GABRA3: variants seen among roughly 807,000 people sequenced by gnomAD.
GABRA3 encodes the protein gamma-aminobutyric acid receptor subunit alpha-3.
In GABRA3, 10 loss-of-function variants were observed where a neutral mutation model predicts 30.1. The ratio of observed to expected loss-of-function variants is 0.33; its 90% CI spans 0.20 to 0.56. The LOEUF (loss-of-function observed/expected upper bound fraction) is 0.56. Among genes scored for constraint, GABRA3 ranks in the 20% least tolerant of loss-of-function variants. The pLI is 0.89. For synonymous variants in GABRA3, 151 were observed against 146.8 expected, an observed-to-expected ratio of 1.03 and a Z score of -0.21; for missense variants, 233 against 392.0, an observed-to-expected ratio of 0.59 and a Z score of 3.42.
At chrX:152,418,889 C>T (rs1240960329) in intron 1 of GABRA3, among the ~76,000 whole-genome samples, 1 of 111,421 alleles carries the variant, frequency 9.0e-6, no homozygotes, top group East Asian at 2.8e-4. Flanking sequence ...TTAGAACCAA[C>T]CCAAATGTCC....
chrX:152,336,130 A>G (rs772451539), intron 3 of GABRA3, among the ~76,000 whole-genome samples: 14 of 110,796 alleles, frequency 1.3e-4, no homozygotes, highest in Non-Finnish European at 2.6e-4. Flanking sequence ...ATGTTAAAAG[A>G]TTTTTTCTAT....
intron 1 of GABRA3, among the ~76,000 whole-genome samples, chrX:152,412,942 A>T (rs935510730): frequency 1.8e-5 from 2 of 110,862 alleles, no homozygotes; most frequent in Non-Finnish European, 3.8e-5. Flanking sequence ...CAGAAAGAAC[A>T]TTTGAAGAAC....
intron 1 of GABRA3, among the ~76,000 whole-genome samples, chrX:152,413,898 A>C (rs1179458588): frequency 9.1e-6 from 1 of 109,680 alleles, no homozygotes; most frequent in Non-Finnish European, 1.9e-5. Context: ...CCGAGGAATA[A>C]AAAAAAAATC....
intron 1 of GABRA3, among the ~76,000 whole-genome samples, chrX:152,368,744 C>G (rs1173647737): frequency 2.2e-5 from 2 of 90,952 alleles, no homozygotes; most frequent in Non-Finnish European, 2.1e-5. Flanking sequence ...CTCGCTCTGT[C>G]GCCCAGGCTG....
At chrX:152,402,307 T>C (rs1002419168) in intron 1 of GABRA3, among the ~76,000 whole-genome samples, 3 of 111,931 alleles carry the variant, frequency 2.7e-5, no homozygotes, top group African/African-American at 9.7e-5. Context: ...TCACACACTG[T>C]CTACATGTCA....
At chrX:152,375,527 C>G (rs1194740505) in intron 1 of GABRA3, among the ~76,000 whole-genome samples, 1 of 111,852 alleles carries the variant, frequency 8.9e-6, no homozygotes, top group East Asian at 2.8e-4. Context: ...TCATTGTCAC[C>G]CAGGCTCTTG....
chrX:152,391,109 C>G (rs1416658318), intron 1 of GABRA3, among the ~76,000 whole-genome samples: 1 of 111,703 alleles, frequency 9.0e-6, no homozygotes, highest in Non-Finnish European at 1.9e-5. Context: ...CAGGCACACT[C>G]AGATAATCCT....
At chrX:152,250,353 A>G (rs968390461) in intron 5 of GABRA3, among the ~76,000 whole-genome samples, 3 of 111,488 alleles carry the variant, frequency 2.7e-5, no homozygotes, top group African/African-American at 9.8e-5. Context: ...TAAACATAGT[A>G]AGCACTCGTG....
At chrX:152,300,411 GA>G (rs770191868) in intron 3 of GABRA3, among the ~76,000 whole-genome samples, 13 of 106,269 alleles carry the variant, frequency 1.2e-4, no homozygotes, top group Non-Finnish European at 1.4e-4. Flanking sequence ...TAAAACAAAT[GA>G]AAAAAAAAAT....
chrX:152,297,869 C>A (rs1218737690), intron 3 of GABRA3, among the ~76,000 whole-genome samples: 1 of 112,232 alleles, frequency 8.9e-6, no homozygotes, highest in Non-Finnish European at 1.9e-5. Flanking sequence ...ATAGAGTTCA[C>A]TCCCAAGAGC....
At chrX:152,447,542 C>T (rs1313539996) in intron 1 of GABRA3, among the ~76,000 whole-genome samples, 1 of 111,884 alleles carries the variant, frequency 8.9e-6, no homozygotes, top group African/African-American at 3.2e-5. Flanking sequence ...TCTGTTAAGC[C>T]TCCTACTCTA....
At chrX:152,348,366 T>A (rs925937852) in intron 2 of GABRA3, among the ~76,000 whole-genome samples, 27 of 111,811 alleles carry the variant, frequency 2.4e-4, no homozygotes, top group Non-Finnish European at 5.6e-5. Flanking sequence ...TTTATCAACT[T>A]AATGAGAGCA....
At chrX:152,419,928 C>T (rs181027609) in intron 1 of GABRA3, among the ~76,000 whole-genome samples, 1 of 110,381 alleles carries the variant, frequency 9.1e-6, no homozygotes, top group Non-Finnish European at 1.9e-5. Flanking sequence ...CAAAATAACA[C>T]GAAGAGTAGG....
chrX:152,247,003 G>C (rs1184740497), intron 5 of GABRA3, among the ~76,000 whole-genome samples: 4 of 111,979 alleles, frequency 3.6e-5, no homozygotes, highest in Non-Finnish European at 7.5e-5. Flanking sequence ...ACAAGTGCAA[G>C]CCATTTGCAT....
chrX:152,424,178 G>A (rs1232409470), intron 1 of GABRA3, among the ~76,000 whole-genome samples: 1 of 110,865 alleles, frequency 9.0e-6, no homozygotes, highest in Non-Finnish European at 1.9e-5. Flanking sequence ...CCCTATCTCA[G>A]TGAACAGTAC....
At chrX:152,310,032 CA>C in intron 3 of GABRA3, among the ~76,000 whole-genome samples, 1 of 111,967 alleles carries the variant, frequency 8.9e-6, no homozygotes, top group East Asian at 2.8e-4. Context: ...AAGAAAAAGA[CA>C]AAAAACTGCA....
chrX:152,414,118 T>C (rs1930146071), intron 1 of GABRA3, among the ~76,000 whole-genome samples: 3 of 111,712 alleles, frequency 2.7e-5, no homozygotes, highest in Non-Finnish European at 5.7e-5. Context: ...ATCAATGTCA[T>C]TCTTGGACAT....
chrX:152,271,525 T>C (rs1224748929), intron 4 of GABRA3, among the ~76,000 whole-genome samples: 1 of 111,904 alleles, frequency 8.9e-6, no homozygotes, highest in Non-Finnish European at 1.9e-5. Context: ...GGAAGCAGAG[T>C]ATAGAAGATT....
intron 6 of GABRA3, among the ~76,000 whole-genome samples, chrX:152,217,979 ATTTAT>A (rs1241152588): frequency 9.4e-6 from 1 of 105,871 alleles, no homozygotes; most frequent in Non-Finnish European, 2.0e-5. Flanking sequence ...TTACTCTAAT[ATTTAT>A]TATTTTTTCC....
Sources: gnomAD v4.1 joint callset for allele counts (sites outside exome capture counted in the v4.1 genomes callset) on GRCh38, gnomAD v4.1.1 for gene constraint, MANE v1.5 for transcripts, NCBI Gene and HGNC (gene_info 2026-07-23, HGNC 2026-07-21) for gene names.